RORA: variants seen among roughly 807,000 people sequenced by gnomAD.
RORA encodes the protein RAR related orphan receptor A.
RORA carries 7 observed loss-of-function variants against 69.5 expected under a neutral mutation model. The ratio of observed to expected loss-of-function variants is 0.10; its 90% confidence interval spans 0.06 to 0.19. The LOEUF is 0.19. Among genes scored for constraint, RORA ranks in the 10% least tolerant of loss-of-function variants. The pLI is 1.00. For synonymous variants in RORA, 261 were observed against 240.8 expected (o/e 1.08, Z -0.78); for missense variants, 457 against 663.0 (o/e 0.69, Z 3.41).
At position 60,590,584 on chromosome 15, in the gene RORA, T is replaced by C. The variant is rs112422032; in HGVS notation, c.197-58733A>G. Among the ~76,000 whole-genome samples, 626 of 152,106 alleles carry C rather than the reference T, an allele frequency of 4.1e-3. 6 individuals are homozygous for C. Among genetic ancestry groups the C allele is most frequent in the African/African-American group, 0.014 (594 of 41,476 alleles). ...AAGACTGGCATTGACATCTTCCAAA[T>C]AGCAAAATCAATTTTATAATTTAAA... On this transcript the variant is annotated intron_variant, in intron 2 of 10. Coordinates refer to ENST00000335670, the MANE Select transcript of RORA (RefSeq NM_134261.3).
chr15:60,887,567 C>A (rs757734650), intron 1 of RORA, among the ~76,000 whole-genome samples: 5 of 152,184 alleles, frequency 3.3e-5, no homozygotes, highest in Non-Finnish European at 7.3e-5. Context: ...AAAATGGCAT[C>A]TTTTCATGCA....
chr15:60,987,813 C>G (rs1484428323), intron 1 of RORA, among the ~76,000 whole-genome samples: 1 of 152,190 alleles, frequency 6.6e-6, no homozygotes, highest in Non-Finnish European at 1.5e-5. Flanking sequence ...CAGTTACAGA[C>G]AGGAAAACTG....
Position 61,147,138 on chromosome 15 carries a change from T to C in RORA, c.166+81915A>G, listed in dbSNP as rs2079357180. On this transcript the variant is annotated intron_variant, in intron 1 of 10. Coordinates refer to ENST00000335670, the MANE Select transcript of RORA (RefSeq NM_134261.3). The surrounding 1 kb of genome is among the most constrained non-coding windows in gnomAD (Gnocchi z 4.1). The stretch of plus-strand genomic sequence containing the variant: ...ATTTTGGCAGATGCCTCATGCATTC[T>C]GGCCATTTTCGGGCTTATTTTATTC... Among the ~76,000 whole-genome samples the C allele has an allele frequency of 6.6e-6, 1 of 152,244 alleles. No homozygotes were observed. The highest frequency in any genetic ancestry group is 1.5e-5 in the Non-Finnish European group (1 of 68,046).
At chr15:60,840,239 G>C (rs568390284) in intron 1 of RORA, among the ~76,000 whole-genome samples, 10 of 152,342 alleles carry the variant, frequency 6.6e-5, no homozygotes, top group African/African-American at 2.4e-4. Flanking sequence ...TTTTGACTCG[G>C]AGGGCTCATC....
intron 1 of RORA, among the ~76,000 whole-genome samples, chr15:61,036,113 C>A (rs1896447468): frequency 6.6e-6 from 1 of 152,136 alleles, no homozygotes; most frequent in Non-Finnish European, 1.5e-5. Flanking sequence ...GAAAGGACCG[C>A]ATTAACCCCA....
chr15:60,936,756 G>C (rs2140319192), intron 1 of RORA, among the ~76,000 whole-genome samples: 1 of 152,332 alleles, frequency 6.6e-6, no homozygotes, highest in South Asian at 2.1e-4. Context: ...CTCTTAGCTA[G>C]TTAGAAAAAC....
intron 2 of RORA, among the ~76,000 whole-genome samples, chr15:60,642,143 G>C (rs2069955526): frequency 1.3e-5 from 2 of 152,100 alleles, no homozygotes; most frequent in South Asian, 4.1e-4. Flanking sequence ...ACTGTGCTCT[G>C]TGCACGTGAG....
chr15:60,828,898 A>G (rs988931167), intron 1 of RORA, among the ~76,000 whole-genome samples: 22 of 152,288 alleles, frequency 1.4e-4, no homozygotes, highest in African/African-American at 4.8e-4. Context: ...AGGGCAACTC[A>G]TTTACTTTCA....
At chr15:60,576,135 G>T (rs897774164) in intron 2 of RORA, among the ~76,000 whole-genome samples, 1 of 152,298 alleles carries the variant, frequency 6.6e-6, no homozygotes, top group South Asian at 2.1e-4. Context: ...AAGACAGGAG[G>T]TGCTTTTTCT....
At chr15:60,506,871 C>A (rs988023242) in intron 5 of RORA, among the ~76,000 whole-genome samples, 35 of 152,196 alleles carry the variant, frequency 2.3e-4, no homozygotes, top group Admixed American at 1.5e-3. Flanking sequence ...CTTGTAATCC[C>A]AGCTACTTGG....
chr15:60,949,259 G>C (rs1893004495), intron 1 of RORA, among the ~76,000 whole-genome samples: 1 of 152,124 alleles, frequency 6.6e-6, no homozygotes, highest in Admixed American at 6.5e-5. Flanking sequence ...CAGCCAAACT[G>C]TCTCCTACTA....
chr15:60,553,948 G>T (rs979852696), intron 2 of RORA, among the ~76,000 whole-genome samples: 3 of 152,136 alleles, frequency 2.0e-5, no homozygotes, highest in Admixed American at 1.3e-4. Context: ...CTTCTTGGGG[G>T]TATTCACTTA....
At chr15:61,051,052 T>C (rs1038137192) in intron 1 of RORA, among the ~76,000 whole-genome samples, 6 of 152,136 alleles carry the variant, frequency 3.9e-5, no homozygotes, top group African/African-American at 1.2e-4. Flanking sequence ...ACACAGCCCA[T>C]GTTTGCTGAC....
intron 3 of RORA, among the ~76,000 whole-genome samples, chr15:60,520,984 T>C (rs1362446602): frequency 6.6e-6 from 1 of 152,160 alleles, no homozygotes; most frequent in Non-Finnish European, 1.5e-5. Context: ...CAGATTACCA[T>C]GCAGCTATTG....
At chr15:60,518,204 A>G (rs887316030) in intron 3 of RORA, among the ~76,000 whole-genome samples, 2 of 152,196 alleles carry the variant, frequency 1.3e-5, no homozygotes, top group Admixed American at 6.5e-5. Context: ...GTCCCTAACT[A>G]GACATAGCTC....
chr15:60,862,435 A>G (rs1389739947), intron 1 of RORA, among the ~76,000 whole-genome samples: 1 of 152,260 alleles, frequency 6.6e-6, no homozygotes. Flanking sequence ...GAGGGAGGCT[A>G]GCATCCTAGC....
chr15:60,704,245 G>A (rs1328140684), intron 1 of RORA, among the ~76,000 whole-genome samples: 1 of 152,244 alleles, frequency 6.6e-6, no homozygotes, highest in Non-Finnish European at 1.5e-5. Context: ...CTTCTCTGGT[G>A]CTTTTTCATG....
intron 1 of RORA, among the ~76,000 whole-genome samples, chr15:61,113,377 A>G (rs1406551149): frequency 6.6e-6 from 1 of 152,224 alleles, no homozygotes; most frequent in Non-Finnish European, 1.5e-5. Flanking sequence ...TCCCAGGCTT[A>G]GGACCTGAAC....
At chr15:61,177,067 T>C (rs531774905) in intron 1 of RORA, among the ~76,000 whole-genome samples, 28 of 152,252 alleles carry the variant, frequency 1.8e-4, no homozygotes, top group Non-Finnish European at 3.8e-4. Context: ...TTAAAAGACA[T>C]TGAAGACAAA....
Sources: gnomAD v4.1 joint callset for allele counts (sites outside exome capture counted in the v4.1 genomes callset) on GRCh38, gnomAD v4.1.1 for gene constraint, Gnocchi (gnomAD v3.1) non-coding constraint, MANE v1.5 for transcripts, NCBI Gene and HGNC (gene_info 2026-07-23, HGNC 2026-07-21) for gene names.